Variants in YES1 observed in about 807,000 individuals in gnomAD.
YES1 encodes the protein YES proto-oncogene 1, Src family tyrosine kinase.
Under a neutral mutation model 70.4 loss-of-function variants are expected in YES1, and 39 were observed. The observed-to-expected ratio is 0.55, with a 90% CI of 0.43 to 0.72. The LOEUF is 0.72. Ranked by LOEUF, YES1 falls within the 30% of genes least tolerant of loss-of-function variation. The pLI is 0.00. For synonymous variants in YES1, 198 were observed against 218.6 expected (o/e 0.91, Z 0.83); for missense variants, 495 against 644.8 (o/e 0.77, Z 2.52).
intron 11 of YES1, among the ~76,000 whole-genome samples, chr18:728,755 ACCTCGTGATCCACTGG>A (rs1351343390): frequency 2.0e-5 from 3 of 152,096 alleles, no homozygotes; most frequent in African/African-American, 7.2e-5. Context: ...CAAACCCCTG[ACCTCGTGATCCACTGG>A]CCTCGACCTC....
intron 1 of YES1, among the ~76,000 whole-genome samples, chr18:766,924 C>T (rs1212650300): frequency 1.3e-5 from 2 of 152,040 alleles, no homozygotes; most frequent in African/African-American, 2.4e-5. Flanking sequence ...TCATAGGTTG[C>T]CTTTGCATTT....
rs542696113 is a variant in YES1, at chr18:762,502, G to GA, written c.-8-5668dup. Among the ~76,000 whole-genome samples, 643 of 151,534 alleles carry GA rather than the reference G, an allele frequency of 4.2e-3. 4 individuals carry two copies. Among genetic ancestry groups the GA allele is most frequent in the African/African-American group, 0.015 (607 of 41,336 alleles). Reference sequence around the variant, plus strand: ...TTGAATCTAAAATAAAAGATGGAAAGAAAAAACAAACAATAAACCAAACAA... The same window carrying GA: ...TTGAATCTAAAATAAAAGATGGAAAGAAAAAAACAAACAATAAACCAAACAA... On this transcript the variant is annotated intron_variant, in intron 1 of 11. Transcript: ENST00000314574.
chr18:803,040 G>C (rs761809134), intron 1 of YES1, among the ~76,000 whole-genome samples: 8 of 152,006 alleles, frequency 5.3e-5, no homozygotes, highest in Non-Finnish European at 1.2e-4. Context: ...ATCAGTCTGA[G>C]CAACATGGTG....
chr18:772,337 C>G (rs2145780466), intron 1 of YES1, among the ~76,000 whole-genome samples: 1 of 151,568 alleles, frequency 6.6e-6, no homozygotes, highest in South Asian at 2.1e-4. Context: ...CCTGCATGTT[C>G]AAGTTTGAAT....
intron 1 of YES1, among the ~76,000 whole-genome samples, chr18:784,066 T>G (rs1027789628): frequency 6.6e-6 from 1 of 152,160 alleles, no homozygotes. Context: ...GGCAAAAAAA[T>G]ATTCATTTTA....
chr18:796,995 C>T (rs1906579829), intron 1 of YES1, among the ~76,000 whole-genome samples: 1 of 152,098 alleles, frequency 6.6e-6, no homozygotes, highest in East Asian at 1.9e-4. Flanking sequence ...AAACAAAAAC[C>T]TGTAAGTAGA....
chr18:778,993 T>C (rs779819961), intron 1 of YES1, among the ~76,000 whole-genome samples: 4 of 152,222 alleles, frequency 2.6e-5, no homozygotes, highest in Admixed American at 1.3e-4. Flanking sequence ...TTCTGCCTTT[T>C]AGATATACAA....
chr18:803,727 G>C (rs146572824), intron 1 of YES1, among the ~76,000 whole-genome samples: 57 of 152,248 alleles, frequency 3.7e-4, no homozygotes, highest in African/African-American at 1.3e-3. Context: ...GGGAAAGGAG[G>C]GTGACTGGCA....
At chr18:745,028 A>G (rs1167459445) in intron 6 of YES1, among the ~76,000 whole-genome samples, 1 of 152,134 alleles carries the variant, frequency 6.6e-6, no homozygotes, top group Non-Finnish European at 1.5e-5. Flanking sequence ...ATGCTTGATC[A>G]ATGTCAAGAT....
At chr18:761,954 A>G (rs1904614014) in intron 1 of YES1, among the ~76,000 whole-genome samples, 1 of 152,146 alleles carries the variant, frequency 6.6e-6, no homozygotes, top group Admixed American at 6.5e-5. Flanking sequence ...TGGGAGGCCA[A>G]GATGGGAGGA....
rs185151394 is a variant in YES1 at position 809,104 on chromosome 18, G to C, written c.-9+3010C>G. 2.3e-3 allele frequency among the ~76,000 whole-genome samples: 352 copies of C among 152,268 alleles called. 2 individuals are homozygous for C. The highest frequency in any genetic ancestry group is 8.2e-3 in the African/African-American group (340 of 41,556). On this transcript the variant is annotated intron_variant, in intron 1 of 11. Transcript: ENST00000314574. ...AAACAGAGTATTTGATGACAGAACA[G>C]TATCCATTCGTTCAATAAACATTTT...
At chr18:764,677 T>C (rs1049495188) in intron 1 of YES1, among the ~76,000 whole-genome samples, 1 of 152,216 alleles carries the variant, frequency 6.6e-6, no homozygotes, top group Non-Finnish European at 1.5e-5. Context: ...CAGAAAAAGA[T>C]GGAAGCCAGA....
rs892657252 is a variant in YES1, at chr18:740,680, A to C, written c.1061-869T>G. Reference sequence around the variant, plus strand: ...GGGACAAGTGCTAAGTGAATACCAAAATGAGGAATTAAAGAGTTTTAAAAA... The same window carrying C: ...GGGACAAGTGCTAAGTGAATACCAACATGAGGAATTAAAGAGTTTTAAAAA... On this transcript the variant is annotated intron_variant, in intron 8 of 11. Transcript: ENST00000314574. Among the ~76,000 whole-genome samples the C allele has an allele frequency of 2.0e-5, 3 of 152,194 alleles. No homozygotes were observed. In the East Asian group the frequency reaches 5.8e-4, roughly 29 times the overall value.
In YES1 at chr18:742,987, T is replaced by G; in HGVS notation, c.991A>C (p.Lys331Gln). 5.6e-6 allele frequency: 9 copies of G among 1,611,416 alleles called. No individual in the cohort carries two copies. Among genetic ancestry groups the G allele is most frequent in the Non-Finnish European group, 7.6e-6 (9 of 1,179,528 alleles). Reference protein sequence around the residue: ...AQIMKKLRHDKLVPLYAVVSE... With the variant: ...AQIMKKLRHDQLVPLYAVVSE... ...ACAACAGCATATAGTGGAACAAGTT[T>G]ATCATGTCTTAATTTTTTCATTATC... is the stretch of plus-strand genomic sequence containing the variant. Residue 331 changes from lysine (K) to glutamine (Q), a missense_variant, in exon 8 of 12, where the codon AAA (lysine) becomes CAA (glutamine). This residue lies in a region of YES1 where 385 missense variants were observed against 540.9 expected (regional missense o/e 0.71). Coordinates refer to ENST00000314574, the MANE Select transcript of YES1 (RefSeq NM_005433.4).
At chr18:740,745 C>T (rs145929073) in intron 8 of YES1, among the ~76,000 whole-genome samples, 2 of 152,238 alleles carry the variant, frequency 1.3e-5, no homozygotes, top group African/African-American at 2.4e-5. Context: ...AAATCTCTCC[C>T]GCCTGGAAAT....
chr18:779,966 G>A (rs1014191669), intron 1 of YES1, among the ~76,000 whole-genome samples: 1 of 151,452 alleles, frequency 6.6e-6, no homozygotes, highest in Non-Finnish European at 1.5e-5. Context: ...GGGTGCAGTG[G>A]CTCACGCCTG....
intron 1 of YES1, among the ~76,000 whole-genome samples, chr18:776,343 G>A (rs113404360): frequency 1.1e-4 from 17 of 152,190 alleles, no homozygotes; most frequent in African/African-American, 3.1e-4. Flanking sequence ...ACAGGCTCAT[G>A]CCACCACGCC....
At chr18:757,312 G>C (rs542852728) in intron 1 of YES1, among the ~76,000 whole-genome samples, 2 of 151,468 alleles carry the variant, frequency 1.3e-5, no homozygotes, top group African/African-American at 2.4e-5. Context: ...GACCATCCTG[G>C]CTAACACGGT....
At chr18:764,882 A>T (rs776157403) in intron 1 of YES1, among the ~76,000 whole-genome samples, 9 of 151,482 alleles carry the variant, frequency 5.9e-5, no homozygotes, top group African/African-American at 1.7e-4. Flanking sequence ...ACAGGTGCAC[A>T]CCACCACACC....
Sources: gnomAD v4.1 joint callset for allele counts (sites outside exome capture counted in the v4.1 genomes callset) on GRCh38, gnomAD v4.1.1 for gene constraint, gnomAD v4.1.1 regional missense constraint, MANE v1.5 for transcripts, NCBI Gene and HGNC (gene_info 2026-07-23, HGNC 2026-07-21) for gene names.